Variants in ABLIM1 observed in about 807,000 individuals in gnomAD.
The protein encoded by ABLIM1 is actin-binding LIM protein 1.
In ABLIM1, 40 loss-of-function variants were observed where a neutral mutation model predicts 107.0. That is an observed-to-expected ratio of 0.37 (90% confidence interval 0.29 to 0.49). The LOEUF (loss-of-function observed/expected upper bound fraction) is 0.49. ABLIM1 is among the 20% of genes least tolerant of loss of function. ABLIM1 has a pLI of 0.97. For missense variants in ABLIM1, 857 were observed against 1,008.5 expected (o/e 0.85, Z 2.04); for synonymous variants, 357 against 357.3 (o/e 1.00, Z 0.01).
At chr10:114,492,514 T>A (rs2059142833) in intron 6 of ABLIM1, among the ~76,000 whole-genome samples, 1 of 152,210 alleles carries the variant, frequency 6.6e-6, no homozygotes, top group Non-Finnish European at 1.5e-5. Context: ...TTCCTAAATA[T>A]GACAGATGCC....
chr10:114,668,230 C>T (rs761989088), intron 1 of ABLIM1, among the ~76,000 whole-genome samples: 1 of 152,064 alleles, frequency 6.6e-6, no homozygotes, highest in Non-Finnish European at 1.5e-5. Context: ...GAAAGAACAC[C>T]CAGCCTGGGA....
intron 2 of ABLIM1, among the ~76,000 whole-genome samples, chr10:114,599,253 T>C (rs544850159): frequency 2.0e-5 from 3 of 152,290 alleles, no homozygotes; most frequent in African/African-American, 4.8e-5. Flanking sequence ...AAACAAAAAC[T>C]CAACTTTTCA....
At chr10:114,570,595 GGTTTTT>G (rs2071500257) in intron 4 of ABLIM1, among the ~76,000 whole-genome samples, 1 of 101,570 alleles carries the variant, frequency 9.8e-6, no homozygotes, top group Non-Finnish European at 1.9e-5. Flanking sequence ...TATTTTTCTG[GGTTTTT>G]TTTTTTTTTT....
intron 1 of ABLIM1, among the ~76,000 whole-genome samples, chr10:114,677,426 C>A (rs1162100869): frequency 6.6e-6 from 1 of 152,156 alleles, no homozygotes; most frequent in Non-Finnish European, 1.5e-5. Flanking sequence ...GCCTTCCCAC[C>A]TTTCCTAAAG....
chr10:114,597,764 T>C (rs1343325481), intron 2 of ABLIM1, among the ~76,000 whole-genome samples: 1 of 152,014 alleles, frequency 6.6e-6, no homozygotes, highest in East Asian at 1.9e-4. Flanking sequence ...CAGCTGCCTT[T>C]GGGTAGCGGT....
Position 114,581,144 on chromosome 10 carries a change from T to C in ABLIM1, c.380-5545A>G, listed in dbSNP as rs144735199. 3.9e-5 allele frequency among the ~76,000 whole-genome samples: 6 copies of C among 152,252 alleles called. No homozygotes were observed. In the East Asian group the frequency reaches 1.2e-3, roughly 29 times the overall value. On this transcript the variant is annotated intron_variant, in intron 2 of 22. Transcript: ENST00000533213. ...GAACATGTACATCCAAGAAATTTTA[T>C]ATAAAAGTTGCAAAATTAGTAACAG...
At chr10:114,603,867 C>T (rs369968286) in intron 1 of ABLIM1, among the ~76,000 whole-genome samples, 5 of 150,548 alleles carry the variant, frequency 3.3e-5, no homozygotes, top group South Asian at 2.1e-4. Flanking sequence ...GCAGGAGAAT[C>T]GCTTGAACCC....
the ABLIM1 span, among the ~76,000 whole-genome samples, chr10:114,799,940 T>C: frequency 1.3e-5 from 2 of 152,178 alleles, no homozygotes; most frequent in African/African-American, 4.8e-5. Flanking sequence ...CACACCAGAC[T>C]AATCTTCGTA....
At chr10:114,555,327 T>C (rs1398243662) in intron 4 of ABLIM1, among the ~76,000 whole-genome samples, 1 of 152,216 alleles carries the variant, frequency 6.6e-6, no homozygotes, top group Non-Finnish European at 1.5e-5. Context: ...GACCATCTGA[T>C]GCAAATGCTT....
chr10:114,731,271 GC>G lies in ABLIM1; in HGVS notation c.-213+36789del, dbSNP rs1399415498. On this transcript the variant is annotated intron_variant, in intron 1 of 15. Coordinates refer to the ABLIM1 transcript ENST00000651092. ...TTCTCCTGGCTCAGCCTTGCGAGTAGCTGAGATTACAGGTGCCTGCCACCAC... is the reference window on the plus strand; with the variant it reads ...TTCTCCTGGCTCAGCCTTGCGAGTAGTGAGATTACAGGTGCCTGCCACCAC... Among the ~76,000 whole-genome samples the G allele has an allele frequency of 2.0e-5, 3 of 150,646 alleles. No homozygotes were observed. The Admixed American group carries it at 2.0e-4, about 10-fold the overall frequency.
Position 114,750,040 on chromosome 10 carries a change from C to A in ABLIM1, c.-213+18021G>T, listed in dbSNP as rs534779623. 2.6e-5 allele frequency among the ~76,000 whole-genome samples: 4 copies of A among 152,274 alleles called. No individual in the cohort carries two copies. The East Asian group carries it at 7.7e-4, about 29-fold the overall frequency. On this transcript the variant is annotated intron_variant, in intron 1 of 15. Coordinates refer to the ABLIM1 transcript ENST00000651092. ...ATAAATAAAATAAAGTAACTCCAAA[C>A]ATAAGCTGCCTAGAAACTTCCACTG...
intron 1 of ABLIM1, among the ~76,000 whole-genome samples, chr10:114,711,746 G>A (rs548696310): frequency 8.5e-5 from 13 of 152,220 alleles, no homozygotes; most frequent in African/African-American, 3.1e-4. Flanking sequence ...TGGAGAGGGA[G>A]GGGGGCTTGT....
chr10:114,684,743 A>G, exon 1 of ABLIM1: 2 of 1,004,130 alleles, frequency 2.0e-6, no homozygotes, highest in Non-Finnish European at 2.4e-6. Context: ...ATTCTGCACA[A>G]TCCAGAATCC....
At chr10:114,447,034 T>C (rs2061116568) in intron 15 of ABLIM1, among the ~76,000 whole-genome samples, 1 of 152,232 alleles carries the variant, frequency 6.6e-6, no homozygotes, top group Non-Finnish European at 1.5e-5. Flanking sequence ...AAATAACTTA[T>C]TAAAAATAGC....
intron 2 of ABLIM1, among the ~76,000 whole-genome samples, chr10:114,584,365 G>A (rs141264413): frequency 6.6e-6 from 1 of 152,106 alleles, no homozygotes; most frequent in Non-Finnish European, 1.5e-5. Context: ...CAAGATGTTA[G>A]TCTATTCATC....
intron 12 of ABLIM1, among the ~76,000 whole-genome samples, chr10:114,462,712 T>C (rs1487344037): frequency 1.3e-5 from 2 of 151,938 alleles, no homozygotes; most frequent in African/African-American, 4.8e-5. Flanking sequence ...ATTCCAATTA[T>C]ATATATTATA....
At chr10:114,647,973 T>C (rs2079077371) in intron 1 of ABLIM1, among the ~76,000 whole-genome samples, 1 of 151,918 alleles carries the variant, frequency 6.6e-6, no homozygotes, top group Non-Finnish European at 1.5e-5. Flanking sequence ...GATTAAGATA[T>C]AGGATGTAAA....
chr10:114,482,161 A>C (rs1180945818), intron 8 of ABLIM1, among the ~76,000 whole-genome samples: 4 of 152,240 alleles, frequency 2.6e-5, no homozygotes, highest in African/African-American at 9.6e-5. Flanking sequence ...AATGAATTAC[A>C]CATGCTCAGT....
intron 1 of ABLIM1, among the ~76,000 whole-genome samples, chr10:114,675,346 T>C (rs528189656): frequency 6.6e-6 from 1 of 152,288 alleles, no homozygotes; most frequent in African/African-American, 2.4e-5. Context: ...AACTGAATCA[T>C]GGGGGTGGGT....
Sources: gnomAD v4.1 joint callset for allele counts (sites outside exome capture counted in the v4.1 genomes callset) on GRCh38, gnomAD v4.1.1 for gene constraint, MANE v1.5 for transcripts, NCBI Gene and HGNC (gene_info 2026-07-23, HGNC 2026-07-21) for gene names.